Variants in GRIK2 observed in about 807,000 individuals in gnomAD.
The protein encoded by GRIK2 is glutamate ionotropic receptor kainate type subunit 2.
Under a neutral mutation model 100.3 loss-of-function variants are expected in GRIK2, and 32 were observed. The observed-to-expected ratio is 0.32, with a 90% CI of 0.24 to 0.43. The LOEUF (loss-of-function observed/expected upper bound fraction) is 0.43, where lower values mean the gene tolerates loss of function less well. Ranked by LOEUF, GRIK2 falls within the 20% of genes least tolerant of loss-of-function variation. The pLI, the probability that GRIK2 is intolerant of heterozygous loss-of-function variation, is 1.00. For synonymous variants in GRIK2, 417 were observed against 389.4 expected (o/e 1.07, Z -0.83); for missense variants, 843 against 1,114.9 (o/e 0.76, Z 3.47).
intron 11 of GRIK2, among the ~76,000 whole-genome samples, chr6:101,887,668 C>G (rs904226189): frequency 5.3e-5 from 8 of 152,080 alleles, no homozygotes; most frequent in African/African-American, 1.7e-4. Context: ...AGGAAACTTA[C>G]AATCCTGGCG....
intron 7 of GRIK2, among the ~76,000 whole-genome samples, chr6:101,694,862 C>T (rs1451005441): frequency 6.6e-6 from 1 of 151,382 alleles, no homozygotes; most frequent in East Asian, 1.9e-4. Flanking sequence ...TTTGGCTCCT[C>T]CCCCCAAAAA....
intron 7 of GRIK2, among the ~76,000 whole-genome samples, chr6:101,700,047 G>A (rs1191753549): frequency 6.6e-6 from 1 of 151,992 alleles, no homozygotes; most frequent in Non-Finnish European, 1.5e-5. Flanking sequence ...CTCTTTGGCA[G>A]TCTGAGGTGG....
chr6:101,826,987 T>G (rs1199872934), intron 10 of GRIK2, among the ~76,000 whole-genome samples: 1 of 152,040 alleles, frequency 6.6e-6, no homozygotes, highest in East Asian at 1.9e-4. Flanking sequence ...CTCACTACAA[T>G]TTCCAGTAAG....
chr6:101,431,764 T>C (rs915136486), intron 2 of GRIK2, among the ~76,000 whole-genome samples: 4 of 152,210 alleles, frequency 2.6e-5, no homozygotes, highest in Admixed American at 1.3e-4. Context: ...ACTTTATAAC[T>C]ACTGATTTAA....
intron 8 of GRIK2, 123 bp downstream of exon 8, chr6:101,799,914 C>A: frequency 4.1e-6 from 3 of 739,858 alleles, no homozygotes; most frequent in Non-Finnish European, 4.3e-6. Flanking sequence ...TTCTCTCTTA[C>A]TCCAAATAAG....
chr6:101,486,811 A>G (rs1386279771), intron 2 of GRIK2, among the ~76,000 whole-genome samples: 2 of 146,796 alleles, frequency 1.4e-5, no homozygotes, highest in East Asian at 1.9e-4. Context: ...TTGATTTACA[A>G]GTGTCTCTCT....
chr6:101,941,037 C>T (rs892107417), intron 14 of GRIK2, among the ~76,000 whole-genome samples: 1 of 151,986 alleles, frequency 6.6e-6, no homozygotes, highest in African/African-American at 2.4e-5. Flanking sequence ...TACTCAGTGG[C>T]AATGATTTGA....
intron 2 of GRIK2, among the ~76,000 whole-genome samples, chr6:101,489,364 G>C (rs1441034994): frequency 1.4e-5 from 2 of 146,200 alleles, no homozygotes; most frequent in Non-Finnish European, 3.0e-5. Context: ...CTGTAGATCA[G>C]TTAATTATTC....
At chr6:101,423,218 A>G (rs987400460) in intron 2 of GRIK2, among the ~76,000 whole-genome samples, 4 of 152,074 alleles carry the variant, frequency 2.6e-5, no homozygotes, top group African/African-American at 9.7e-5. Context: ...TTCTTCAGTG[A>G]CTCTAATGAG....
At chr6:101,532,913 A>G (rs574322273) in intron 2 of GRIK2, among the ~76,000 whole-genome samples, 2 of 151,998 alleles carry the variant, frequency 1.3e-5, no homozygotes, top group South Asian at 2.1e-4. Flanking sequence ...TGCTGTGCAG[A>G]TAGAATCATT....
chr6:101,936,291 G>A (rs993324061), intron 14 of GRIK2, among the ~76,000 whole-genome samples: 3 of 151,848 alleles, frequency 2.0e-5, no homozygotes, highest in Non-Finnish European at 2.9e-5. Context: ...TTTTCCTAAC[G>A]CTCCCAAATT....
chr6:101,636,456 T>G (rs1582869569), intron 4 of GRIK2, among the ~76,000 whole-genome samples: 1 of 151,920 alleles, frequency 6.6e-6, no homozygotes, highest in Non-Finnish European at 1.5e-5. Context: ...CTACGTAACA[T>G]ACCTGCATGT....
intron 7 of GRIK2, among the ~76,000 whole-genome samples, chr6:101,699,302 C>G (rs1056464439): frequency 6.6e-6 from 1 of 152,102 alleles, no homozygotes; most frequent in African/African-American, 2.4e-5. Context: ...TCTGGTCACT[C>G]ATCACTAGTA....
At chr6:101,644,560 A>G (rs1781432841) in intron 4 of GRIK2, among the ~76,000 whole-genome samples, 1 of 151,834 alleles carries the variant, frequency 6.6e-6, no homozygotes, top group South Asian at 2.1e-4. Context: ...ATTTGAAATT[A>G]TTAAATATCA....
At chr6:101,818,508 C>T in intron 10 of GRIK2, 25 bp downstream of exon 10, 1 of 1,272,422 alleles carries the variant, frequency 7.9e-7, no homozygotes, top group Non-Finnish European at 1.1e-6. Flanking sequence ...TTCCATTATT[C>T]TTAGTTAAAT....
intron 14 of GRIK2, among the ~76,000 whole-genome samples, chr6:102,029,524 C>T (rs766123322): frequency 6.6e-6 from 1 of 151,108 alleles, no homozygotes; most frequent in Non-Finnish European, 1.5e-5. Flanking sequence ...TTGATTTTTA[C>T]GTTTCAAGTT....
intron 4 of GRIK2, among the ~76,000 whole-genome samples, chr6:101,670,140 T>TA (rs989527601): frequency 1.3e-5 from 2 of 151,916 alleles, no homozygotes; most frequent in East Asian, 1.9e-4. Flanking sequence ...CTTTTGTACT[T>TA]AAAAAAAATG....
intron 12 of GRIK2, among the ~76,000 whole-genome samples, chr6:101,922,276 A>C (rs1369562238): frequency 6.6e-6 from 1 of 152,180 alleles, no homozygotes; most frequent in East Asian, 1.9e-4. Context: ...ACCACGTCTC[A>C]TTCCTCTCAT....
intron 3 of GRIK2, among the ~76,000 whole-genome samples, chr6:101,622,343 T>A (rs996097794): frequency 1.3e-5 from 2 of 152,050 alleles, no homozygotes; most frequent in African/African-American, 2.4e-5. Context: ...GTTAGTGAAA[T>A]TTTTTTTCTA....
Sources: allele counts gnomAD v4.1 joint callset (sites outside exome capture counted in the v4.1 genomes callset), GRCh38; gene constraint gnomAD v4.1.1; transcripts MANE v1.5; gene names NCBI Gene and HGNC (gene_info 2026-07-23, HGNC 2026-07-21).